Variants in PCGF5 observed in about 807,000 individuals in gnomAD.
The protein encoded by PCGF5 is polycomb group ring finger 5.
In PCGF5, 9 loss-of-function variants were observed where a neutral mutation model predicts 44.3. That is an observed-to-expected ratio of 0.20 (90% CI 0.12 to 0.35). The LOEUF (loss-of-function observed/expected upper bound fraction) is 0.35. Among genes scored for constraint, PCGF5 ranks in the 10% least tolerant of loss-of-function variants. The pLI is 1.00. For synonymous variants in PCGF5, 95 were observed against 102.5 expected (o/e 0.93, Z 0.44); for missense variants, 146 against 305.3 (o/e 0.48, Z 3.89).
In PCGF5 at chr10:91,264,526, T is replaced by C; in HGVS notation, c.663+6T>C. On this transcript the variant is annotated splice_donor_region_variant and intron_variant, in intron 8 of 9. Transcript: ENST00000336126. ...GGCGACTAAGAGGCGAAAACGTAAA[T>C]TGCTTTTATATTTACCTATGTGTTT... 1 of 1,597,304 alleles carries C rather than the reference T, an allele frequency of 6.3e-7. No homozygotes were observed. The highest frequency in any genetic ancestry group is 8.6e-7 in the Non-Finnish European group (1 of 1,168,752).
intron 3 of PCGF5, among the ~76,000 whole-genome samples, chr10:91,241,777 G>A (rs1366169401): frequency 6.6e-6 from 1 of 151,714 alleles, no homozygotes; most frequent in Non-Finnish European, 1.5e-5. Flanking sequence ...TATAAATCTG[G>A]ATTTGCAAAT....
At chr10:91,163,797 C>A (rs188051019) in intron 1 of PCGF5, among the ~76,000 whole-genome samples, 13 of 151,892 alleles carry the variant, frequency 8.6e-5, no homozygotes, top group Non-Finnish European at 1.6e-4. Context: ...TGTACGCCCT[C>A]CGCGCCCCCT....
intron 2 of PCGF5, among the ~76,000 whole-genome samples, chr10:91,236,140 G>C (rs1845156778): frequency 6.6e-6 from 1 of 152,090 alleles, no homozygotes; most frequent in South Asian, 2.1e-4. Context: ...TGATGCCAGG[G>C]ACCAAATGTT....
chr10:91,174,058 A>C (rs997966250), intron 1 of PCGF5, among the ~76,000 whole-genome samples: 2 of 151,316 alleles, frequency 1.3e-5, no homozygotes, highest in Non-Finnish European at 2.9e-5. Flanking sequence ...TGCAATGAAG[A>C]TTTTTCACTG....
At chr10:91,191,242 C>T (rs906143640) in intron 1 of PCGF5, among the ~76,000 whole-genome samples, 2 of 152,100 alleles carry the variant, frequency 1.3e-5, no homozygotes, top group African/African-American at 2.4e-5. Flanking sequence ...TACTCTTATG[C>T]TTTGGGGCCA....
intron 3 of PCGF5, among the ~76,000 whole-genome samples, chr10:91,247,775 G>C: frequency 6.6e-6 from 1 of 152,194 alleles, no homozygotes; most frequent in East Asian, 1.9e-4. Flanking sequence ...ATTTCCTTTA[G>C]AGGAAAGAGC....
intron 1 of PCGF5, among the ~76,000 whole-genome samples, chr10:91,165,191 C>T (rs544119054): frequency 1.0e-3 from 155 of 152,228 alleles, no homozygotes; most frequent in African/African-American, 3.6e-3. Flanking sequence ...TGTTAACCTA[C>T]AGCACAACAA....
chr10:91,258,130 A>G (rs183214124), intron 6 of PCGF5, among the ~76,000 whole-genome samples: 5 of 152,200 alleles, frequency 3.3e-5, no homozygotes, highest in South Asian at 2.1e-4. Flanking sequence ...TTGTCAGGGG[A>G]TGGGAGGAGG....
chr10:91,241,641 G>A (rs574406912), intron 3 of PCGF5, among the ~76,000 whole-genome samples: 9 of 151,132 alleles, frequency 6.0e-5, no homozygotes, highest in Admixed American at 4.6e-4. Context: ...GGTCAATTCC[G>A]GAGTTAGCTT....
upstream of PCGF5, among the ~76,000 whole-genome samples, chr10:91,216,211 G>A (rs1292777973): frequency 6.6e-6 from 1 of 152,196 alleles, no homozygotes; most frequent in Non-Finnish European, 1.5e-5. Context: ...TATGAATATG[G>A]TCTGTGTGTA....
intron 5 of PCGF5, among the ~76,000 whole-genome samples, chr10:91,249,812 G>T (rs377348422): frequency 7.9e-5 from 12 of 151,898 alleles, no homozygotes; most frequent in Non-Finnish European, 1.3e-4. Flanking sequence ...AAGAAGCTAA[G>T]CCTGGCCAAA....
intron 5 of PCGF5, among the ~76,000 whole-genome samples, chr10:91,250,950 A>T (rs1379720562): frequency 6.6e-6 from 1 of 151,706 alleles, no homozygotes; most frequent in Non-Finnish European, 1.5e-5. Context: ...AATAATTTGG[A>T]AGTATTTTTA....
chr10:91,215,422 C>A (rs1262623596), upstream of PCGF5, among the ~76,000 whole-genome samples: 1 of 152,202 alleles, frequency 6.6e-6, no homozygotes, highest in African/African-American at 2.4e-5. Context: ...AAGGAGAATA[C>A]CCATCAGCAG....
At chr10:91,212,134 G>A (rs1338800700) in intron 1 of PCGF5, among the ~76,000 whole-genome samples, 1 of 152,182 alleles carries the variant, frequency 6.6e-6, no homozygotes, top group Non-Finnish European at 1.5e-5. Context: ...CTGTGTACTT[G>A]GAAGAGCTCA....
intron 2 of PCGF5, among the ~76,000 whole-genome samples, chr10:91,237,931 G>C (rs997708985): frequency 6.6e-6 from 1 of 152,092 alleles, no homozygotes; most frequent in African/African-American, 2.4e-5. Flanking sequence ...TCTCCATCTA[G>C]AATAGCACCC....
At chr10:91,271,745 G>C (rs35609498) in intron 9 of PCGF5, 48 bp downstream of exon 9, 4 of 1,480,320 alleles carry the variant, frequency 2.7e-6, no homozygotes, top group Non-Finnish European at 3.8e-6. Context: ...ACACCATGGC[G>C]GTGAGCACAT....
chr10:91,162,224 G>A (rs1311687890), upstream of PCGF5, among the ~76,000 whole-genome samples: 3 of 149,994 alleles, frequency 2.0e-5, no homozygotes, highest in African/African-American at 7.4e-5. Flanking sequence ...CTCTGAGAAT[G>A]AGGCATTAAG....
At chr10:91,278,069 G>A (rs1028466997) in intron 9 of PCGF5, among the ~76,000 whole-genome samples, 200 bp from the exon 10 acceptor site, 3 of 152,000 alleles carry the variant, frequency 2.0e-5, no homozygotes, top group Admixed American at 2.0e-4. Context: ...GCATATTACT[G>A]AAAACTTGAC....
At chr10:91,252,613 C>G (rs1412114198) in intron 6 of PCGF5, among the ~76,000 whole-genome samples, 1 of 151,892 alleles carries the variant, frequency 6.6e-6, no homozygotes, top group South Asian at 2.1e-4. Context: ...GAGAAATGAC[C>G]ACTGTACCTA....
Sources: gnomAD v4.1 joint callset for allele counts (sites outside exome capture counted in the v4.1 genomes callset) on GRCh38, gnomAD v4.1.1 for gene constraint, MANE v1.5 for transcripts, NCBI Gene and HGNC (gene_info 2026-07-23, HGNC 2026-07-21) for gene names.